ADAT1: variants seen among roughly 807,000 people sequenced by gnomAD.
ADAT1 encodes tRNA-specific adenosine deaminase 1.
Under a neutral mutation model 58.6 loss-of-function variants are expected in ADAT1, and 58 were observed. That is an observed-to-expected ratio of 0.99 (90% CI 0.80 to 1.23). The LOEUF (loss-of-function observed/expected upper bound fraction) is 1.23, where lower values mean the gene tolerates loss of function less well. Among genes scored for constraint, ADAT1 ranks in the 50% most tolerant of loss-of-function variants. ADAT1 has a pLI of 0.00. For synonymous variants in ADAT1, 254 were observed against 220.8 expected (o/e 1.15, Z -1.33); for missense variants, 741 against 608.6 (o/e 1.22, Z -2.29).
At position 75,622,972 on chromosome 16, in the gene ADAT1, G is replaced by A. The variant is rs909369412; in HGVS notation, c.-591C>T. ...GTCGGCCAGTTACAGGATAGGAGGT[G>A]CCAGGCAAGGCACTGAAGCCATGCA... On this transcript the variant is annotated 5_prime_UTR_variant, in exon 1 of 10. Transcript: ENST00000564657. 1 of 152,292 alleles carries A rather than the reference G, an allele frequency of 6.6e-6. No homozygotes were observed. The highest frequency in any genetic ancestry group is 1.5e-5 in the Non-Finnish European group (1 of 68,082). The allele number at this position is 152,292 out of a possible 1,614,324, so 9.4% of individuals were successfully genotyped here.
At chr16:75,608,515 T>A (rs750464635) in intron 7 of ADAT1, 192 bp from the exon 8 acceptor site, 8 of 587,142 alleles carry the variant, frequency 1.4e-5, no homozygotes, top group Non-Finnish European at 2.1e-5. Flanking sequence ...ATTATTATTA[T>A]GATAGCTAAC....
chr16:75,601,005 G>A (rs550674537), intron 9 of ADAT1, among the ~76,000 whole-genome samples: 10 of 152,214 alleles, frequency 6.6e-5, no homozygotes, highest in Non-Finnish European at 1.3e-4. Context: ...TGGTCCTAGT[G>A]GAATCAGATA....
chr16:75,615,414 T>C (rs140020436), intron 5 of ADAT1, among the ~76,000 whole-genome samples: 42 of 134,998 alleles, frequency 3.1e-4, no homozygotes, highest in Non-Finnish European at 4.7e-4. Context: ...CTGGGCCACA[T>C]TGGAAGAATA....
At chr16:75,618,322 T>C (rs1227411774) in intron 4 of ADAT1, among the ~76,000 whole-genome samples, 1 of 151,822 alleles carries the variant, frequency 6.6e-6, no homozygotes, top group Non-Finnish European at 1.5e-5. Flanking sequence ...CTGGCCAGCA[T>C]GGTGAAACCC....
intron 5 of ADAT1, among the ~76,000 whole-genome samples, chr16:75,615,329 G>C (rs1414929313): frequency 6.6e-6 from 1 of 151,346 alleles, no homozygotes; most frequent in Non-Finnish European, 1.5e-5. Flanking sequence ...ATCAGTACCT[G>C]TTTGTTGACC....
At chr16:75,600,493 C>A (rs750100590) in intron 9 of ADAT1, 145 bp from the exon 10 acceptor site, 328 of 1,349,946 alleles carry the variant, frequency 2.4e-4, no homozygotes, top group Admixed American at 5.7e-4. Context: ...GAAAGTTGAT[C>A]ATACAAACTA....
rs1292811505 is a variant in ADAT1 at position 75,612,248 on chromosome 16, A to T, written c.1038T>A (p.Ile346=). 2.5e-6 allele frequency: 4 copies of T among 1,613,512 alleles called. No individual in the cohort carries two copies. In the African/African-American group the frequency reaches 5.3e-5, roughly 22 times the overall value. ...AGCCCTCCCTACCCTCTCACCTTCC[A>T]ATCAGTGCTCTCTGCATGGCTTCCT... ...YSQEAMQRAL[I]GRCQNVSALP... The change falls in exon 6 of 10, where the codon ATT becomes ATA. Residue 346 remains isoleucine (I), a synonymous_variant. Coordinates refer to ENST00000564657, the MANE Select transcript of ADAT1 (RefSeq NM_001324445.2).
At position 75,599,410 on chromosome 16, in the gene ADAT1, T is replaced by C; in HGVS notation, c.*806A>G. ...TTTTGGCTTTTTGGACAGAACTCTTTCAATTGTAAGTCAGAAAACCAACAC... is the reference window on the plus strand; with the variant it reads ...TTTTGGCTTTTTGGACAGAACTCTTCCAATTGTAAGTCAGAAAACCAACAC... On this transcript the variant is annotated 3_prime_UTR_variant, in exon 10 of 10. Coordinates refer to ENST00000564657, the MANE Select transcript of ADAT1 (RefSeq NM_001324445.2). 3 of 985,774 alleles carry C rather than the reference T, an allele frequency of 3.0e-6. No individual in the cohort carries two copies. The South Asian group carries it at 1.4e-4, about 46-fold the overall frequency. 61.1% of individuals were successfully genotyped at this position (985,774 alleles called of 1,614,324 possible). A position where few individuals can be genotyped will look rare whatever the true frequency, so the allele number is the denominator to read the frequency against.
chr16:75,619,390 T>A (rs772085834), intron 3 of ADAT1, among the ~76,000 whole-genome samples: 5 of 151,986 alleles, frequency 3.3e-5, no homozygotes, highest in Non-Finnish European at 7.4e-5. Context: ...TAGCTGCACA[T>A]AGGTGTGCAT....
intron 9 of ADAT1, chr16:75,601,860 T>G (rs1385636822): frequency 1.3e-5 from 2 of 152,240 alleles, no homozygotes; most frequent in Non-Finnish European, 2.9e-5. Flanking sequence ...GTATGCATGA[T>G]GGCGATGCCT....
In ADAT1 at chr16:75,600,136, C is replaced by CA; in HGVS notation, c.*79dup. 1 of 1,567,552 alleles carries CA rather than the reference C, an allele frequency of 6.4e-7. No individual in the cohort carries two copies. The highest frequency in any genetic ancestry group is 8.7e-7 in the Non-Finnish European group (1 of 1,154,724). On this transcript the variant is annotated 3_prime_UTR_variant, in exon 10 of 10. Transcript: ENST00000564657. ...AAAGAATGTTCCCTGATTTAACTAC[C>CA]AAAAAAGCTAAGACTTGTCCTGCGT...
intron 3 of ADAT1, 24 bp from the exon 4 acceptor site, chr16:75,618,664 G>T (rs769022322): frequency 1.2e-6 from 2 of 1,612,530 alleles, no homozygotes; most frequent in Non-Finnish European, 1.7e-6. Context: ...AGGACACCAG[G>T]TGAAGACATA....
intron 3 of ADAT1, chr16:75,619,543 G>C: frequency 4.6e-6 from 2 of 432,326 alleles, no homozygotes; most frequent in South Asian, 3.3e-5. Context: ...AAAAACCACT[G>C]AAACAGACAA....
In ADAT1 at chr16:75,620,787, C is replaced by T. The variant is rs369100478; in HGVS notation, c.13G>A (p.Asp5Asn). MWTA[D>N]EIAQLCYEHY... ...TCATAGCATAGCTGAGCAATCTCATCCGCGGTCCACATGGTCTGAGCTGGT... is the reference window on the plus strand; with the variant it reads ...TCATAGCATAGCTGAGCAATCTCATTCGCGGTCCACATGGTCTGAGCTGGT... The change falls in exon 2 of 10, where the codon GAT becomes AAT. Residue 5 changes from aspartate to asparagine, a missense_variant. Transcript: ENST00000564657. The T allele has an allele frequency of 6.0e-5, 96 of 1,612,780 alleles. No homozygotes were observed. The Middle Eastern group carries it at 8.2e-4, about 14-fold the overall frequency.
Position 75,598,942 on chromosome 16 carries a change from G to A in ADAT1, c.*1274C>T, listed in dbSNP as rs1030985490. ...ATGCTGAAGAACCAATAAGGACCTT[G>A]AGTAACCCCAACATGGGAGCTTCCA... On this transcript the variant is annotated 3_prime_UTR_variant, in exon 10 of 10. Coordinates refer to ENST00000564657, the MANE Select transcript of ADAT1 (RefSeq NM_001324445.2). The A allele has an allele frequency of 9.1e-6, 9 of 985,256 alleles. No homozygotes were observed. The highest frequency in any genetic ancestry group is 1.1e-5 in the Non-Finnish European group (9 of 829,922). The allele number at this position is 985,256 out of a possible 1,614,324, so 61.0% of individuals were successfully genotyped here.
chr16:75,620,277 A>G lies in ADAT1; in HGVS notation c.227T>C (p.Met76Thr). 6.2e-7 allele frequency: 1 copy of G among 1,614,068 alleles called. No individual in the cohort carries two copies. The highest frequency in any genetic ancestry group is 8.5e-7 in the Non-Finnish European group (1 of 1,179,962). Residue 76 changes from methionine (M) to threonine (T), a missense_variant, in exon 3 of 10, where the codon ATG (methionine) becomes ACG (threonine). Physicochemically the swap from Met to Thr is moderately conservative, Grantham distance 81. Transcript: ENST00000564657. The part of the protein sequence containing the change: ...TGTKCIGQSK[M>T]RKNGDILNDS... ...CCACCCGTGCTTACCGTTCTTCCTCATTTTGGACTGTCCTATGCATTTTGT... is the reference window on the plus strand; with the variant it reads ...CCACCCGTGCTTACCGTTCTTCCTCGTTTTGGACTGTCCTATGCATTTTGT...
chr16:75,618,853 T>C (rs1165100627), intron 3 of ADAT1, among the ~76,000 whole-genome samples: 3 of 152,126 alleles, frequency 2.0e-5, no homozygotes, highest in African/African-American at 7.2e-5. Flanking sequence ...GAAAATTTTT[T>C]GTTGTGGGGG....
intron 5 of ADAT1, among the ~76,000 whole-genome samples, chr16:75,615,182 G>A (rs756028968): frequency 9.7e-5 from 13 of 133,648 alleles, no homozygotes; most frequent in Non-Finnish European, 1.4e-4. Context: ...AGCCGAGATC[G>A]AGAAAAAAAA....
chr16:75,599,746 C>G lies in ADAT1; in HGVS notation c.*470G>C. 1.0e-6 allele frequency: 1 copy of G among 992,672 alleles called. No homozygotes were observed. The highest frequency in any genetic ancestry group is 1.2e-6 in the Non-Finnish European group (1 of 834,326). The allele number at this position is 992,672 out of a possible 1,614,324, so 61.5% of individuals were successfully genotyped here. Reference sequence around the variant, plus strand: ...CTTCAGCCAAGTCTGAGGCACAGAGCAGGATCACTGAAGAATGGGAAAAGA... The same window carrying G: ...CTTCAGCCAAGTCTGAGGCACAGAGGAGGATCACTGAAGAATGGGAAAAGA... On this transcript the variant is annotated 3_prime_UTR_variant, in exon 10 of 10. Coordinates refer to ENST00000564657, the MANE Select transcript of ADAT1 (RefSeq NM_001324445.2).
Sources: allele counts gnomAD v4.1 joint callset (sites outside exome capture counted in the v4.1 genomes callset), GRCh38; gene constraint gnomAD v4.1.1; transcripts MANE v1.5; gene names NCBI Gene and HGNC (gene_info 2026-07-23, HGNC 2026-07-21).